Variants in CNBD1 observed in about 807,000 individuals in gnomAD.
CNBD1 encodes the protein cyclic nucleotide binding domain containing 1.
CNBD1 carries 71 observed loss-of-function variants against 54.4 expected under a neutral mutation model. That is an observed-to-expected ratio of 1.30 (90% CI 1.08 to 1.59). The LOEUF (loss-of-function observed/expected upper bound fraction) is 1.59. CNBD1 is among the 40% of genes most tolerant of loss of function. The pLI is 0.00. For missense variants in CNBD1, 659 were observed against 518.0 expected (o/e 1.27, Z -2.64); for synonymous variants, 182 against 170.7 (o/e 1.07, Z -0.51).
intron 2 of CNBD1, among the ~76,000 whole-genome samples, chr8:87,425,346 G>T (rs919803273): frequency 1.1e-4 from 16 of 152,266 alleles, no homozygotes; most frequent in African/African-American, 3.1e-4. Context: ...GTCCAGCTTT[G>T]TTCCGTTGCT....
chr8:87,036,162 G>A (rs1809937696), intron 4 of CNBD1, among the ~76,000 whole-genome samples: 1 of 152,116 alleles, frequency 6.6e-6, no homozygotes, highest in Admixed American at 6.5e-5. Flanking sequence ...CTATTAACAT[G>A]TTATGAAAAT....
intron 8 of CNBD1, among the ~76,000 whole-genome samples, chr8:87,349,052 TTTTG>T (rs1810229890): frequency 3.3e-5 from 5 of 152,310 alleles, no homozygotes; most frequent in African/African-American, 1.2e-4. Flanking sequence ...TTCCACTACA[TTTTG>T]TAAACATAAA....
intron 4 of CNBD1, among the ~76,000 whole-genome samples, chr8:87,194,011 GGAGGGAAGCT>G: frequency 6.6e-6 from 1 of 152,310 alleles, no homozygotes; most frequent in East Asian, 1.9e-4. Flanking sequence ...TACCAGCAAG[GGAGGGAAGCT>G]GAGCTCCGCC....
At chr8:87,154,900 T>C (rs371767056) in intron 4 of CNBD1, among the ~76,000 whole-genome samples, 1 of 152,088 alleles carries the variant, frequency 6.6e-6, no homozygotes, top group South Asian at 2.1e-4. Context: ...CTTTACTCAC[T>C]CCACGCTAAT....
At chr8:86,966,236 C>G (rs1248797791) in intron 4 of CNBD1, among the ~76,000 whole-genome samples, 5 of 152,148 alleles carry the variant, frequency 3.3e-5, no homozygotes, top group Non-Finnish European at 7.4e-5. Context: ...CAATCTGCCT[C>G]CAGGGGCCAG....
intron 4 of CNBD1, among the ~76,000 whole-genome samples, chr8:87,184,776 C>T (rs1449392690): frequency 6.6e-6 from 1 of 152,098 alleles, no homozygotes; most frequent in Non-Finnish European, 1.5e-5. Context: ...AAGATCTATT[C>T]AGAGTCTGCT....
Position 87,064,273 on chromosome 8 carries a change from T to C in CNBD1, c.431+124519T>C, listed in dbSNP as rs965121670. On this transcript the variant is annotated intron_variant, in intron 4 of 10. Coordinates refer to ENST00000518476, the MANE Select transcript of CNBD1 (RefSeq NM_173538.3). ...AATAATCTCGCTTTCTTTTTATCTT[T>C]TGTATATTAGATTTTTCTTCCATCT... Among the ~76,000 whole-genome samples the C allele has an allele frequency of 1.1e-4, 17 of 152,006 alleles. 1 individual carries two copies. Among genetic ancestry groups the C allele is most frequent in the Admixed American group, 5.9e-4 (9 of 15,266 alleles).
chr8:87,283,803 C>A (rs967893554), intron 6 of CNBD1, among the ~76,000 whole-genome samples: 1 of 152,076 alleles, frequency 6.6e-6, no homozygotes, highest in Non-Finnish European at 1.5e-5. Context: ...TCTCCTGTTC[C>A]TACATGTACA....
intron 4 of CNBD1, among the ~76,000 whole-genome samples, chr8:86,968,955 A>G (rs1004954080): frequency 6.6e-6 from 1 of 152,156 alleles, no homozygotes; most frequent in Non-Finnish European, 1.5e-5. Context: ...GTTTGAGGGT[A>G]GAGATCTTGG....
chr8:87,139,609 A>G (rs1812331471), intron 4 of CNBD1, among the ~76,000 whole-genome samples: 1 of 152,162 alleles, frequency 6.6e-6, no homozygotes, highest in African/African-American at 2.4e-5. Flanking sequence ...GTCAGGGAGC[A>G]GGTGAGGTTT....
intron 2 of CNBD1, among the ~76,000 whole-genome samples, chr8:86,904,609 T>C (rs529052532): frequency 6.6e-6 from 1 of 152,234 alleles, no homozygotes; most frequent in South Asian, 2.1e-4. Context: ...ATTTCAGTGA[T>C]CTGAATTTGG....
intron 6 of CNBD1, among the ~76,000 whole-genome samples, chr8:87,241,631 G>A (rs1330782634): frequency 6.6e-6 from 1 of 152,036 alleles, no homozygotes; most frequent in Non-Finnish European, 1.5e-5. Flanking sequence ...ACATACTAAC[G>A]CAGGAAAAAT....
chr8:87,339,343 AT>A (rs35537566), intron 8 of CNBD1, among the ~76,000 whole-genome samples: 43,713 of 151,900 alleles, frequency 0.29, 7,049 homozygotes, highest in Middle Eastern at 0.43. Flanking sequence ...AGCTCCAACA[AT>A]TTGTCAGTTA....
intron 4 of CNBD1, among the ~76,000 whole-genome samples, chr8:86,940,883 A>G (rs1329840936): frequency 3.3e-5 from 5 of 152,204 alleles, no homozygotes; most frequent in Non-Finnish European, 7.3e-5. Flanking sequence ...ATAACTGCCT[A>G]CAGTATACAG....
chr8:87,329,097 G>T (rs1312732964), intron 8 of CNBD1, among the ~76,000 whole-genome samples: 1 of 151,118 alleles, frequency 6.6e-6, no homozygotes, highest in Non-Finnish European at 1.5e-5. Flanking sequence ...GTTAATTTTT[G>T]TGAAAAGTAT....
chr8:87,268,561 C>T (rs1458583802), intron 6 of CNBD1, among the ~76,000 whole-genome samples: 1 of 151,860 alleles, frequency 6.6e-6, no homozygotes, highest in Non-Finnish European at 1.5e-5. Context: ...TACATTCCCA[C>T]CAGCATTGTG....
chr8:87,337,836 G>T (rs1809979767), intron 8 of CNBD1, among the ~76,000 whole-genome samples: 1 of 152,182 alleles, frequency 6.6e-6, no homozygotes, highest in South Asian at 2.1e-4. Flanking sequence ...TACCTCGGTT[G>T]CTGGGTGCAG....
intron 8 of CNBD1, among the ~76,000 whole-genome samples, chr8:87,319,189 C>T (rs1013965107): frequency 1.3e-5 from 2 of 151,968 alleles, no homozygotes; most frequent in South Asian, 4.1e-4. Context: ...TTTAGAATAA[C>T]ACTAGTTACC....
intron 6 of CNBD1, among the ~76,000 whole-genome samples, chr8:87,245,602 T>C (rs950927629): frequency 6.6e-6 from 1 of 151,416 alleles, no homozygotes; most frequent in Non-Finnish European, 1.5e-5. Flanking sequence ...ATTTCAACTT[T>C]ATGTAAGATT....
Sources: gnomAD v4.1 joint callset for allele counts (sites outside exome capture counted in the v4.1 genomes callset) on GRCh38, gnomAD v4.1.1 for gene constraint, MANE v1.5 for transcripts, NCBI Gene and HGNC (gene_info 2026-07-23, HGNC 2026-07-21) for gene names.